KANSL1: variants seen among roughly 807,000 people sequenced by gnomAD.
KANSL1 encodes the protein MLL1/MLL complex subunit KANSL1.
A neutral mutation model predicts 103.6 loss-of-function variants in KANSL1; 22 were observed. That is an observed-to-expected ratio of 0.21 (90% confidence interval 0.15 to 0.30). The LOEUF (loss-of-function observed/expected upper bound fraction) is 0.30, where lower values mean the gene tolerates loss of function less well. KANSL1 is among the 10% of genes least tolerant of loss of function. KANSL1 has a pLI of 1.00. For synonymous variants in KANSL1, 600 were observed against 527.6 expected (o/e 1.14, Z -1.88); for missense variants, 1,337 against 1,399.8 (o/e 0.96, Z 0.72).
At chr17:46,052,964 C>CAAAAAAAAAAAAAAAAAAAAAAAAAAA (rs34473927) in intron 6 of KANSL1, among the ~76,000 whole-genome samples, 2 of 32,972 alleles carry the variant, frequency 6.1e-5, no homozygotes, top group Non-Finnish European at 5.8e-5. Context: ...ATCCTGTCTC[C>CAAAAAAAAAAAAAAAAAAAAAAAAAAA]AAAAAAAAAA....
chr17:46,106,062 C>G (rs560890120), intron 2 of KANSL1, among the ~76,000 whole-genome samples: 1 of 152,350 alleles, frequency 6.6e-6, no homozygotes, highest in Non-Finnish European at 1.5e-5. Context: ...CTCCGGCTAT[C>G]TCTAGAAGAA....
intron 2 of KANSL1, among the ~76,000 whole-genome samples, chr17:46,155,116 A>G (rs2045345596): frequency 6.6e-6 from 1 of 151,152 alleles, no homozygotes; most frequent in Non-Finnish European, 1.5e-5. Flanking sequence ...CCTCAAAGAT[A>G]GGTACAGGAG....
intron 1 of KANSL1, among the ~76,000 whole-genome samples, chr17:46,208,429 T>C (rs2048044105): frequency 6.6e-6 from 1 of 151,642 alleles, no homozygotes; most frequent in Non-Finnish European, 1.5e-5. Context: ...CTGGGCAACA[T>C]GGCAAGACCC....
intron 2 of KANSL1, among the ~76,000 whole-genome samples, chr17:46,142,814 T>C (rs1038901536): frequency 1.3e-5 from 2 of 152,240 alleles, no homozygotes; most frequent in African/African-American, 4.8e-5. Flanking sequence ...ACTGGGAACC[T>C]TTTGGAAAGC....
intron 2 of KANSL1, among the ~76,000 whole-genome samples, chr17:46,129,666 G>T (rs1323556535): frequency 1.3e-5 from 2 of 152,186 alleles, no homozygotes; most frequent in Non-Finnish European, 2.9e-5. Context: ...TTAAAGGGAA[G>T]ATTGGAGATC....
At chr17:46,049,911 A>G (rs2077653073) in intron 7 of KANSL1, 1 of 150,366 alleles carries the variant, frequency 6.7e-6, no homozygotes, top group Admixed American at 6.7e-5. Flanking sequence ...TGGCACGCAC[A>G]GACAAAACTT....
At chr17:46,107,680 C>T (rs889440147) in intron 2 of KANSL1, among the ~76,000 whole-genome samples, 18 of 152,174 alleles carry the variant, frequency 1.2e-4, no homozygotes, top group Admixed American at 5.2e-4. Flanking sequence ...AAATCGCTCC[C>T]CTCAACTCCA....
At chr17:46,126,403 T>C (rs547635173) in intron 2 of KANSL1, among the ~76,000 whole-genome samples, 3 of 152,130 alleles carry the variant, frequency 2.0e-5, no homozygotes, top group South Asian at 2.1e-4. Context: ...GATCGCGCCA[T>C]TGCACTCCAG....
intron 2 of KANSL1, among the ~76,000 whole-genome samples, chr17:46,158,955 C>G (rs112557952): frequency 0.096 from 14,498 of 150,398 alleles, no homozygotes; most frequent in Non-Finnish European, 0.15. Flanking sequence ...CACCCCTTTC[C>G]AGGTCCACTC....
At chr17:46,174,254 A>G (rs548356881) in intron 1 of KANSL1, among the ~76,000 whole-genome samples, 1 of 152,268 alleles carries the variant, frequency 6.6e-6, no homozygotes, top group African/African-American at 2.4e-5. Flanking sequence ...GTATGATCTC[A>G]GCTCACTGTA....
At chr17:46,081,500 A>G (rs575364738) in intron 4 of KANSL1, among the ~76,000 whole-genome samples, 1 of 152,348 alleles carries the variant, frequency 6.6e-6, no homozygotes, top group East Asian at 1.9e-4. Context: ...AGAACTATCA[A>G]TCTTCTAGTG....
intron 1 of KANSL1, among the ~76,000 whole-genome samples, chr17:46,178,057 A>G (rs556813985): frequency 2.5e-4 from 38 of 152,258 alleles, no homozygotes; most frequent in Admixed American, 1.7e-3. Flanking sequence ...GATTACAGGC[A>G]TGAGCCACCA....
intron 7 of KANSL1, among the ~76,000 whole-genome samples, chr17:46,047,262 T>G (rs138979392): frequency 6.6e-6 from 1 of 152,256 alleles, no homozygotes; most frequent in African/African-American, 2.4e-5. Context: ...CAGGGGATTA[T>G]AGTTATCTAA....
chr17:46,131,860 G>A (rs570067269), intron 2 of KANSL1, among the ~76,000 whole-genome samples: 4 of 152,292 alleles, frequency 2.6e-5, no homozygotes, highest in East Asian at 1.9e-4. Context: ...TAGGCACGGC[G>A]GCTCATGCCT....
intron 2 of KANSL1, among the ~76,000 whole-genome samples, chr17:46,131,295 A>C (rs2043850358): frequency 6.6e-6 from 1 of 152,262 alleles, no homozygotes; most frequent in South Asian, 2.1e-4. Context: ...CATGGTATTA[A>C]GGCTAACATG....
intron 2 of KANSL1, among the ~76,000 whole-genome samples, chr17:46,163,603 C>G (rs1377588601): frequency 6.6e-6 from 1 of 152,194 alleles, no homozygotes; most frequent in Non-Finnish European, 1.5e-5. Flanking sequence ...AGTAAAGAAC[C>G]TGGACTCTCA....
intron 1 of KANSL1, among the ~76,000 whole-genome samples, chr17:46,184,042 C>T (rs2147855745): frequency 6.6e-6 from 1 of 152,352 alleles, no homozygotes; most frequent in African/African-American, 2.4e-5. Context: ...TCAACATTGT[C>T]TATTTGAGTT....
chr17:46,083,525 GGGGGAAGGGA>G (rs2079054277), intron 3 of KANSL1, among the ~76,000 whole-genome samples: 1 of 152,062 alleles, frequency 6.6e-6, no homozygotes. Flanking sequence ...ACCTTTTTAT[GGGGGAAGGGA>G]GGCAGGACAT....
intron 7 of KANSL1, among the ~76,000 whole-genome samples, chr17:46,046,681 AC>A (rs1211533814): frequency 6.6e-6 from 1 of 151,744 alleles, no homozygotes; most frequent in Non-Finnish European, 1.5e-5. Context: ...TACTAAAAGT[AC>A]AAAAATTAGC....
Sources: gnomAD v4.1 joint callset for allele counts (sites outside exome capture counted in the v4.1 genomes callset) on GRCh38, gnomAD v4.1.1 for gene constraint, MANE v1.5 for transcripts, NCBI Gene and HGNC (gene_info 2026-07-23, HGNC 2026-07-21) for gene names.